RGS6: variants seen among roughly 807,000 people sequenced by gnomAD.
RGS6 encodes the protein regulator of G protein signaling 6, also known as regulator of G-protein signaling 6.
In RGS6, 30 loss-of-function variants were observed where a neutral mutation model predicts 78.5. The observed-to-expected ratio is 0.38, with a 90% CI of 0.29 to 0.52. RGS6 has a LOEUF of 0.52. Among genes scored for constraint, RGS6 ranks in the 20% least tolerant of loss-of-function variants. RGS6 has a pLI of 0.85. For synonymous variants in RGS6, 206 were observed against 206.0 expected, an observed-to-expected ratio of 1.00 and a Z score of 0.00; for missense variants, 495 against 609.7, an observed-to-expected ratio of 0.81 and a Z score of 1.98.
chr14:72,085,853 CA>C (rs35951230), intron 2 of RGS6, among the ~76,000 whole-genome samples: 14,813 of 71,830 alleles, frequency 0.21, 278 homozygotes, highest in South Asian at 0.35. Flanking sequence ...GACACCATCT[CA>C]AAAAAAAAAA....
chr14:71,964,682 T>C, intron 1 of RGS6, 90 bp from the exon 2 acceptor site: 1 of 855,414 alleles, frequency 1.2e-6, no homozygotes, highest in Non-Finnish European at 1.8e-6. Flanking sequence ...GTTCATGGCA[T>C]CTGCCAAAAG....
intron 17 of RGS6, among the ~76,000 whole-genome samples, chr14:72,544,679 G>A (rs1213361083): frequency 6.6e-6 from 1 of 152,220 alleles, no homozygotes; most frequent in Non-Finnish European, 1.5e-5. Context: ...GCCTGCCAAG[G>A]AATGCAGCAG....
At chr14:72,414,650 G>A (rs1035437306) in intron 3 of RGS6, among the ~76,000 whole-genome samples, 2 of 152,156 alleles carry the variant, frequency 1.3e-5, no homozygotes, top group African/African-American at 4.8e-5. Context: ...GATTTTTAGA[G>A]TTTCCATTTT....
intron 2 of RGS6, among the ~76,000 whole-genome samples, chr14:72,194,310 A>G (rs768011925): frequency 9.2e-5 from 14 of 152,152 alleles, no homozygotes; most frequent in Non-Finnish European, 1.6e-4. Context: ...GGTGATGGCT[A>G]TACCGGTAAA....
the RGS6 span, among the ~76,000 whole-genome samples, chr14:72,626,208 A>G: frequency 6.6e-6 from 1 of 152,160 alleles, no homozygotes; most frequent in Non-Finnish European, 1.5e-5. Flanking sequence ...TGGTTGTAAG[A>G]GTCAAAGCTA....
chr14:72,541,644 G>A (rs1236307946), intron 17 of RGS6: 4 of 1,533,404 alleles, frequency 2.6e-6, no homozygotes, highest in Non-Finnish European at 3.5e-6. Flanking sequence ...ATCTCTCTCT[G>A]TTTGTCTCTT....
chr14:72,294,753 G>A (rs920511014), intron 2 of RGS6, among the ~76,000 whole-genome samples: 1 of 151,976 alleles, frequency 6.6e-6, no homozygotes, highest in African/African-American at 2.4e-5. Flanking sequence ...ACCAGATCTC[G>A]TGAGAACTCT....
chr14:72,092,538 C>T (rs1030351187), intron 2 of RGS6, among the ~76,000 whole-genome samples: 10 of 152,190 alleles, frequency 6.6e-5, no homozygotes, highest in East Asian at 1.9e-4. Flanking sequence ...CCTGCCACCA[C>T]GCCCAGCTAA....
At chr14:72,211,353 T>C (rs754327903) in intron 2 of RGS6, among the ~76,000 whole-genome samples, 8 of 152,178 alleles carry the variant, frequency 5.3e-5, no homozygotes, top group Non-Finnish European at 1.2e-4. Context: ...AGGTTATTAG[T>C]GACCTTAACA....
intron 3 of RGS6, among the ~76,000 whole-genome samples, chr14:72,433,757 C>T (rs928604515): frequency 6.6e-6 from 1 of 152,042 alleles, no homozygotes; most frequent in African/African-American, 2.4e-5. Context: ...CAGCTCTTTG[C>T]CACTTACTAC....
chr14:72,616,139 C>T, the RGS6 span, among the ~76,000 whole-genome samples: 2 of 152,182 alleles, frequency 1.3e-5, no homozygotes, highest in Admixed American at 6.5e-5. Flanking sequence ...AAAGACCATG[C>T]TGGATAGGCC....
At position 72,515,071 on chromosome 14, in the gene RGS6, G is replaced by A. The variant is rs2096923917; in HGVS notation, c.1092-3280G>A. Among the ~76,000 whole-genome samples the A allele has an allele frequency of 3.9e-5, 6 of 152,348 alleles. No individual in the cohort carries two copies. In the South Asian group the frequency reaches 1.2e-3, roughly 32 times the overall value. ...GATGGTAAACACATACGGGATGTCA[G>A]GATGCTGCTGTGACAGCAGTTTTGC... On this transcript the variant is annotated intron_variant, in intron 14 of 17. Coordinates refer to ENST00000553525, the MANE Select transcript of RGS6 (RefSeq NM_001204424.2).
At chr14:72,494,484 A>G (rs1391402929) in intron 12 of RGS6, among the ~76,000 whole-genome samples, 1 of 152,140 alleles carries the variant, frequency 6.6e-6, no homozygotes, top group African/African-American at 2.4e-5. Flanking sequence ...TGGGAGGAAA[A>G]AATAATTGCT....
At chr14:72,045,461 C>T (rs376600482) in intron 2 of RGS6, among the ~76,000 whole-genome samples, 72 of 152,236 alleles carry the variant, frequency 4.7e-4, no homozygotes, top group African/African-American at 1.2e-3. Context: ...ATTCCTCTGG[C>T]GTCATTGTTT....
rs1001436784 is a variant in RGS6 at position 72,534,138 on chromosome 14, A to G, written c.1279-2048A>G. Among the ~76,000 whole-genome samples the G allele has an allele frequency of 3.5e-4, 53 of 152,362 alleles. 1 individual carries two copies. The highest frequency in any genetic ancestry group is 3.9e-4 in the Admixed American group (6 of 15,306). ...GCCACAGTCACCTCGGCCTTCGGCA[A>G]TCACCACCCTAATCAGTCAGTATCC... On this transcript the variant is annotated intron_variant, in intron 15 of 17. Transcript: ENST00000553525.
intron 2 of RGS6, among the ~76,000 whole-genome samples, chr14:72,321,279 T>G (rs2071930481): frequency 6.6e-6 from 1 of 151,596 alleles, no homozygotes; most frequent in Non-Finnish European, 1.5e-5. Context: ...AAAGAAAATA[T>G]AGACCAAAGA....
intron 3 of RGS6, among the ~76,000 whole-genome samples, chr14:72,368,222 G>A (rs1264823279): frequency 6.6e-6 from 1 of 152,102 alleles, no homozygotes; most frequent in South Asian, 2.1e-4. Context: ...TGGGGATGGG[G>A]GGTGCAAACT....
At chr14:72,559,863 AG>A (rs2097646744) in intron 17 of RGS6, among the ~76,000 whole-genome samples, 1 of 152,182 alleles carries the variant, frequency 6.6e-6, no homozygotes, top group South Asian at 2.1e-4. Context: ...TTCTGTAGAA[AG>A]GGGAAGGGTT....
the RGS6 span, among the ~76,000 whole-genome samples, chr14:71,897,572 G>A: frequency 1.3e-5 from 2 of 152,036 alleles, no homozygotes; most frequent in African/African-American, 2.4e-5. Context: ...CCAGGCTGGA[G>A]TGCAGTGGCA....
Sources: allele counts gnomAD v4.1 joint callset (sites outside exome capture counted in the v4.1 genomes callset), GRCh38; gene constraint gnomAD v4.1.1; transcripts MANE v1.5; gene names NCBI Gene and HGNC (gene_info 2026-07-23, HGNC 2026-07-21).